Variants in FHOD3 observed in about 807,000 individuals in gnomAD.
FHOD3 encodes formin homology 2 domain containing 3, also known as FH1/FH2 domain-containing protein 3.
In FHOD3, 90 loss-of-function variants were observed where a neutral mutation model predicts 173.0. That is an observed-to-expected ratio of 0.52 (90% CI 0.44 to 0.62). FHOD3 has a LOEUF of 0.62. Ranked by LOEUF, FHOD3 falls within the 20% of genes least tolerant of loss-of-function variation. FHOD3 has a pLI of 0.00. For missense variants in FHOD3, 1,945 were observed against 2,034.7 expected (o/e 0.96, Z 0.85); for synonymous variants, 828 against 823.0 (o/e 1.01, Z -0.10).
At chr18:36,715,853 T>C (rs913903817) in intron 18 of FHOD3, among the ~76,000 whole-genome samples, 1 of 152,038 alleles carries the variant, frequency 6.6e-6, no homozygotes, top group Admixed American at 6.6e-5. Flanking sequence ...AGACAAGAGG[T>C]CAAGGATAAA....
At chr18:36,753,009 T>G (rs2042470757) in intron 24 of FHOD3, among the ~76,000 whole-genome samples, 1 of 151,816 alleles carries the variant, frequency 6.6e-6, no homozygotes, top group African/African-American at 2.4e-5. Context: ...AAAATAAGAG[T>G]ATAAATGGTT....
chr18:36,313,439 G>A (rs781426401), intron 1 of FHOD3, among the ~76,000 whole-genome samples: 6 of 152,160 alleles, frequency 3.9e-5, no homozygotes, highest in Non-Finnish European at 7.3e-5. Flanking sequence ...CCACCCTTTT[G>A]TAGTTGTGCA....
At chr18:36,690,113 TA>T (rs1340165119) in intron 16 of FHOD3, among the ~76,000 whole-genome samples, 1 of 152,144 alleles carries the variant, frequency 6.6e-6, no homozygotes, top group African/African-American at 2.4e-5. Flanking sequence ...CCCAGTGGTT[TA>T]TTTGTCTCTC....
chr18:36,768,088 C>G (rs1312965291), intron 27 of FHOD3, among the ~76,000 whole-genome samples: 1 of 152,172 alleles, frequency 6.6e-6, no homozygotes, highest in East Asian at 1.9e-4. Flanking sequence ...GTGCCATAGG[C>G]AATGATTCTG....
chr18:36,637,208 C>T (rs1013734060), intron 10 of FHOD3, among the ~76,000 whole-genome samples: 32 of 152,206 alleles, frequency 2.1e-4, no homozygotes, highest in African/African-American at 7.7e-4. Context: ...ATTACAGTTA[C>T]TGATTTTGTT....
chr18:36,615,677 T>C (rs1029165335), intron 9 of FHOD3, among the ~76,000 whole-genome samples: 14 of 152,350 alleles, frequency 9.2e-5, no homozygotes, highest in African/African-American at 3.4e-4. Context: ...ATTTAGATTA[T>C]TTTCAAAGTT....
intron 2 of FHOD3, among the ~76,000 whole-genome samples, chr18:36,364,900 A>G (rs1234355657): frequency 6.6e-6 from 1 of 152,018 alleles, no homozygotes; most frequent in Non-Finnish European, 1.5e-5. Context: ...AAGGGGGAGA[A>G]AGCAGAAGGG....
At chr18:36,355,688 A>G (rs764478464) in intron 2 of FHOD3, 43 bp downstream of exon 2, 5 of 1,516,772 alleles carry the variant, frequency 3.3e-6, no homozygotes, top group Admixed American at 1.7e-5. Context: ...CCCACCTACC[A>G]GGAAATGGGG....
At chr18:36,540,052 G>A (rs1169578046) in intron 5 of FHOD3, among the ~76,000 whole-genome samples, 1 of 152,142 alleles carries the variant, frequency 6.6e-6, no homozygotes, top group Non-Finnish European at 1.5e-5. Context: ...ATATTTTCCA[G>A]AGATCAAAGC....
chr18:36,759,082 CTT>C (rs1260231502), intron 25 of FHOD3, 34 bp from the exon 26 acceptor site: 1 of 1,535,492 alleles, frequency 6.5e-7, no homozygotes, highest in South Asian at 1.2e-5. Flanking sequence ...TCCCTTCTGT[CTT>C]TTCCGTCCTG....
chr18:36,736,085 A>C (rs1434765280), intron 20 of FHOD3, among the ~76,000 whole-genome samples: 3 of 152,194 alleles, frequency 2.0e-5, no homozygotes, highest in African/African-American at 7.2e-5. Context: ...GGGGTGCCTC[A>C]CTTACTCAGC....
intron 17 of FHOD3, among the ~76,000 whole-genome samples, chr18:36,696,969 C>G (rs545027961): frequency 1.3e-4 from 20 of 152,244 alleles, no homozygotes; most frequent in African/African-American, 4.8e-4. Context: ...AGTTTATTTC[C>G]TATTATTTTT....
chr18:36,676,599 G>A (rs1380819865), intron 14 of FHOD3, among the ~76,000 whole-genome samples: 2 of 151,218 alleles, frequency 1.3e-5, no homozygotes, highest in Non-Finnish European at 3.0e-5. Context: ...TGTATTAAGT[G>A]TTTTTTTTTC....
At chr18:36,446,527 C>T (rs1045342199) in intron 3 of FHOD3, among the ~76,000 whole-genome samples, 11 of 152,064 alleles carry the variant, frequency 7.2e-5, no homozygotes, top group African/African-American at 2.7e-4. Context: ...TCCACATGTC[C>T]CAGATTGAAC....
intron 9 of FHOD3, among the ~76,000 whole-genome samples, chr18:36,618,438 G>A (rs375934286): frequency 1.7e-4 from 25 of 146,726 alleles, no homozygotes; most frequent in Admixed American, 1.5e-3. Flanking sequence ...TCAGCCTCCC[G>A]ACTAGCTGGG....
Position 36,574,416 on chromosome 18 carries a change from C to G in FHOD3, c.512-2035C>G, listed in dbSNP as rs28379449. ...AGTTTGTTGTCTCTCATATAAAATG[C>G]CTTTTTTCTATTGGCATTTAATATT... is the stretch of plus-strand genomic sequence containing the variant. On this transcript the variant is annotated intron_variant, in intron 5 of 28. Coordinates refer to ENST00000590592, the MANE Select transcript of FHOD3 (RefSeq NM_001281740.3). 9.3e-3 allele frequency among the ~76,000 whole-genome samples: 1,409 copies of G among 151,978 alleles called. 23 individuals carry two copies. Among genetic ancestry groups the G allele is most frequent in the African/African-American group, 0.033 (1,358 of 41,436 alleles).
intron 13 of FHOD3, among the ~76,000 whole-genome samples, chr18:36,654,968 G>A (rs2149142642): frequency 6.6e-6 from 1 of 152,094 alleles, no homozygotes; most frequent in African/African-American, 2.4e-5. Context: ...TGGAACTTCA[G>A]GATCTGAAAA....
At chr18:36,347,179 A>G (rs2045916683) in intron 1 of FHOD3, among the ~76,000 whole-genome samples, 1 of 152,264 alleles carries the variant, frequency 6.6e-6, no homozygotes, top group African/African-American at 2.4e-5. Flanking sequence ...TACGATTTTC[A>G]ACTTGAATAA....
chr18:36,471,070 G>A (rs557669116), intron 3 of FHOD3, among the ~76,000 whole-genome samples: 2 of 152,334 alleles, frequency 1.3e-5, no homozygotes, highest in African/African-American at 4.8e-5. Context: ...CAGTGTCCCA[G>A]AGTTAATGAT....
Sources: gnomAD v4.1 joint callset for allele counts (sites outside exome capture counted in the v4.1 genomes callset) on GRCh38, gnomAD v4.1.1 for gene constraint, MANE v1.5 for transcripts, NCBI Gene and HGNC (gene_info 2026-07-23, HGNC 2026-07-21) for gene names.